Variants in RARB observed in about 807,000 individuals in gnomAD.
RARB encodes retinoic acid receptor beta, also known as HBV-activated protein.
RARB carries 17 observed loss-of-function variants against 51.9 expected under a neutral mutation model. That is an observed-to-expected ratio of 0.33 (90% CI 0.22 to 0.49). The LOEUF is 0.49. RARB is among the 20% of genes least tolerant of loss of function. The pLI, the probability that RARB is intolerant of heterozygous loss-of-function variation, is 0.99. For synonymous variants in RARB, 215 were observed against 195.4 expected (o/e 1.10, Z -0.84); for missense variants, 369 against 550.8 (o/e 0.67, Z 3.30).
At chr3:25,303,465 G>C (rs879072889) in intron 5 of RARB, among the ~76,000 whole-genome samples, 4 of 152,130 alleles carry the variant, frequency 2.6e-5, no homozygotes, top group African/African-American at 9.7e-5. Context: ...CTGGTGCAAG[G>C]AGTAAGTGAA....
intron 2 of RARB, among the ~76,000 whole-genome samples, chr3:24,999,861 C>T (rs1041372768): frequency 6.6e-6 from 1 of 152,024 alleles, no homozygotes; most frequent in Non-Finnish European, 1.5e-5. Flanking sequence ...AAAAATGGCC[C>T]CAGACAACTC....
intron 5 of RARB, among the ~76,000 whole-genome samples, chr3:25,372,929 A>G (rs544561190): frequency 5.7e-4 from 87 of 152,312 alleles, no homozygotes; most frequent in Admixed American, 2.4e-3. Flanking sequence ...GGATTTACTG[A>G]TGGATTGGCA....
At chr3:25,397,357 A>G (rs567660261) in intron 5 of RARB, among the ~76,000 whole-genome samples, 8 of 152,114 alleles carry the variant, frequency 5.3e-5, no homozygotes, top group African/African-American at 1.7e-4. Flanking sequence ...GACTTCCCCC[A>G]TCACACTTTG....
chr3:25,045,469 C>T (rs77633431), intron 2 of RARB, among the ~76,000 whole-genome samples: 5 of 152,132 alleles, frequency 3.3e-5, no homozygotes, highest in Admixed American at 2.0e-4. Context: ...CATTCAAAGC[C>T]AGAGCTCCCT....
At chr3:24,904,780 A>T (rs1020175142) in intron 2 of RARB, among the ~76,000 whole-genome samples, 1 of 152,244 alleles carries the variant, frequency 6.6e-6, no homozygotes, top group Non-Finnish European at 1.5e-5. Context: ...CATCAATGAT[A>T]GGCTGGATAA....
intron 5 of RARB, among the ~76,000 whole-genome samples, chr3:25,193,504 A>G (rs993732056): frequency 6.6e-6 from 1 of 152,036 alleles, no homozygotes; most frequent in Non-Finnish European, 1.5e-5. Context: ...TTATTGTTTT[A>G]TATGTTTCAA....
At position 25,079,419 on chromosome 3, in the gene RARB, G is replaced by A. The variant is rs6797826; in HGVS notation, c.-328+19243G>A. On this transcript the variant is annotated intron_variant, in intron 3 of 11. Coordinates refer to the RARB transcript ENST00000383772. ...TAATACGTTGTTGAATAGAAGTGGT[G>A]AAAGTGGATATTCATGTCCCTTCCT... Among the ~76,000 whole-genome samples the A allele has an allele frequency of 2.7e-3, 407 of 152,246 alleles. 1 individual carries two copies. The highest frequency in any genetic ancestry group is 9.5e-3 in the African/African-American group (396 of 41,536).
chr3:24,951,321 G>A (rs765337615), intron 2 of RARB, among the ~76,000 whole-genome samples: 2 of 152,150 alleles, frequency 1.3e-5, no homozygotes, highest in Non-Finnish European at 2.9e-5. Context: ...TGAAGAACTG[G>A]ATGTGAGTCA....
intron 2 of RARB, among the ~76,000 whole-genome samples, chr3:24,991,691 A>C (rs887575543): frequency 6.6e-6 from 1 of 152,062 alleles, no homozygotes. Flanking sequence ...TAAAAGTTTT[A>C]AAAATGCATA....
At chr3:25,126,624 T>C (rs1699864703) in intron 3 of RARB, among the ~76,000 whole-genome samples, 1 of 152,156 alleles carries the variant, frequency 6.6e-6, no homozygotes, top group Non-Finnish European at 1.5e-5. Context: ...AAAAATTATC[T>C]TTCCAGCCAG....
chr3:25,491,720 C>T (rs535477536), intron 2 of RARB, among the ~76,000 whole-genome samples: 1 of 152,248 alleles, frequency 6.6e-6, no homozygotes, highest in African/African-American at 2.4e-5. Flanking sequence ...GCAGGCAAAT[C>T]GTTCGAGGCC....
At chr3:25,275,770 G>C (rs1332777739) in intron 5 of RARB, among the ~76,000 whole-genome samples, 1 of 150,702 alleles carries the variant, frequency 6.6e-6, no homozygotes, top group Non-Finnish European at 1.5e-5. Flanking sequence ...CACCGGGCTT[G>C]TCGTGGGGTG....
intron 4 of RARB, 30 bp downstream of exon 4, chr3:25,569,948 G>A: frequency 6.2e-7 from 1 of 1,600,286 alleles, no homozygotes; most frequent in Non-Finnish European, 8.5e-7. Context: ...CAGGCTGCTG[G>A]GAGTGTGGAA....
chr3:25,039,804 T>C (rs73144981), intron 2 of RARB, among the ~76,000 whole-genome samples: 1,724 of 152,264 alleles, frequency 0.011, 44 homozygotes, highest in African/African-American at 0.039. Flanking sequence ...GAGATCTCTT[T>C]AAGAGAGGTG....
At chr3:25,196,432 A>G (rs916368377) in intron 5 of RARB, among the ~76,000 whole-genome samples, 5 of 152,174 alleles carry the variant, frequency 3.3e-5, no homozygotes, top group South Asian at 2.1e-4. Flanking sequence ...AGTATTCCAC[A>G]GTGTATATGT....
chr3:25,150,463 C>T (rs1373694582), intron 4 of RARB, among the ~76,000 whole-genome samples: 2 of 152,118 alleles, frequency 1.3e-5, no homozygotes, highest in African/African-American at 2.4e-5. Flanking sequence ...GGTCTGAGTG[C>T]TTTGGGGAGG....
rs544755789 is a variant in RARB, at chr3:25,233,656, A to G, written c.178+59081A>G. On this transcript the variant is annotated intron_variant, in intron 5 of 11. Transcript: ENST00000383772. The stretch of plus-strand genomic sequence containing the variant: ...ATCATTCAGTCTTTCACCCTTTAGC[A>G]TGAAACCCATATAAGCTATAGGGGT... Among the ~76,000 whole-genome samples, 12 of 152,214 alleles carry G rather than the reference A, an allele frequency of 7.9e-5. No individual in the cohort carries two copies. The South Asian group carries it at 1.7e-3, about 21-fold the overall frequency.
intron 5 of RARB, among the ~76,000 whole-genome samples, chr3:25,281,951 G>A (rs890251779): frequency 1.3e-5 from 2 of 152,178 alleles, no homozygotes; most frequent in Non-Finnish European, 2.9e-5. Context: ...GCTCTGCAAG[G>A]CCCTGGGCTA....
At chr3:25,508,953 G>A (rs968198559) in intron 3 of RARB, among the ~76,000 whole-genome samples, 11 of 151,698 alleles carry the variant, frequency 7.3e-5, no homozygotes, top group Non-Finnish European at 1.3e-4. Flanking sequence ...TGCCACTGTG[G>A]GACTCAAAGC....
Sources: allele counts gnomAD v4.1 joint callset (sites outside exome capture counted in the v4.1 genomes callset), GRCh38; gene constraint gnomAD v4.1.1; transcripts MANE v1.5; gene names NCBI Gene and HGNC (gene_info 2026-07-23, HGNC 2026-07-21).